TRAF2: variants seen among roughly 807,000 people sequenced by gnomAD.
TRAF2 encodes TNF receptor associated factor 2.
Under a neutral mutation model 55.6 loss-of-function variants are expected in TRAF2, and 6 were observed. The observed-to-expected ratio is 0.11, with a 90% CI of 0.06 to 0.21. TRAF2 has a LOEUF of 0.21. TRAF2 is among the 10% of genes least tolerant of loss of function. TRAF2 has a pLI of 1.00. For synonymous variants in TRAF2, 329 were observed against 276.3 expected, an observed-to-expected ratio of 1.19 and a Z score of -1.89; for missense variants, 561 against 684.5, an observed-to-expected ratio of 0.82 and a Z score of 2.01.
At chr9:136,886,467 AGCGGCG>A (rs758131750), upstream of TRAF2, 16 of 1,004,606 alleles carry the variant, frequency 1.6e-5, no homozygotes, top group Non-Finnish European at 1.9e-5. Context: ...CACGCGGCGG[AGCGGCG>A]GCGGCGGCGG....
At position 136,903,767 on chromosome 9, in the gene TRAF2, C is replaced by T. The variant is rs1003617406; in HGVS notation, c.366+3247C>T. Among the ~76,000 whole-genome samples, 6 of 152,162 alleles carry T rather than the reference C, an allele frequency of 3.9e-5. No homozygotes were observed. The South Asian group carries it at 6.2e-4, about 16-fold the overall frequency. On this transcript the variant is annotated intron_variant, in intron 4 of 10. Transcript: ENST00000247668. The stretch of plus-strand genomic sequence containing the variant: ...TGCGATCTCGGCTCACTGCAAGCTC[C>T]GCCTCCCGGGTTCACACCATTCTTC...
At chr9:136,903,374 G>A (rs1187253749) in intron 4 of TRAF2, among the ~76,000 whole-genome samples, 2 of 152,114 alleles carry the variant, frequency 1.3e-5, no homozygotes, top group Admixed American at 6.5e-5. Context: ...GCGGGGGTGC[G>A]GGGAGACTTT....
At position 136,900,470 on chromosome 9, in the gene TRAF2, G is replaced by C. The variant is rs551577118; in HGVS notation, c.316G>C (p.Val106Leu). The C allele has an allele frequency of 1.2e-6, 2 of 1,613,002 alleles. No individual in the cohort carries two copies. The highest frequency in any genetic ancestry group is 1.3e-5 in the African/African-American group (1 of 75,026). ...CAGGGAGGTGGAGAGCCTGCCGGCC[G>C]TCTGTCCCAGTGATGGATGCACCTG... ...ARREVESLPA[V>L]CPSDGCTWKG... Residue 106 changes from valine (V) to leucine (L), a missense_variant, in exon 4 of 11, where the codon GTC (valine) becomes CTC (leucine). Around this residue, in one of 2 missense-constraint regions of TRAF2, gnomAD observed 426 missense variants for 476.8 expected, o/e 0.89. Transcript: ENST00000247668.
intron 4 of TRAF2, chr9:136,900,750 G>A: frequency 1.9e-6 from 1 of 539,764 alleles, no homozygotes; most frequent in South Asian, 1.9e-5. Context: ...GTGACCTCGG[G>A]CGAGGTATTT....
At chr9:136,923,610 C>CAAAAA (rs55666712) in intron 9 of TRAF2, among the ~76,000 whole-genome samples, 2 of 67,758 alleles carry the variant, frequency 3.0e-5, no homozygotes, top group Non-Finnish European at 5.1e-5. Context: ...GACTCCATCT[C>CAAAAA]AAAAAAAAAA....
intron 6 of TRAF2, among the ~76,000 whole-genome samples, chr9:136,911,846 C>CTCTTTTTTT (rs1554781067): frequency 4.2e-5 from 3 of 71,446 alleles, no homozygotes; most frequent in African/African-American, 1.3e-4. Context: ...TCTCTTATCT[C>CTCTTTTTTT]TTTTTTTTTT....
At chr9:136,924,910 T>G (rs921292367) in intron 10 of TRAF2, among the ~76,000 whole-genome samples, 96 of 152,094 alleles carry the variant, frequency 6.3e-4, no homozygotes, top group Non-Finnish European at 1.2e-3. Context: ...AGCTAATTTT[T>G]GTATTTTTAG....
chr9:136,907,006 C>G (rs554312835), intron 4 of TRAF2, among the ~76,000 whole-genome samples: 8 of 152,394 alleles, frequency 5.2e-5, no homozygotes, highest in African/African-American at 1.9e-4. Context: ...CCCTCACATT[C>G]GGGCAGAGCC....
chr9:136,894,988 C>G (rs941359934), intron 1 of TRAF2, among the ~76,000 whole-genome samples: 7 of 152,166 alleles, frequency 4.6e-5, no homozygotes, highest in African/African-American at 1.4e-4. Flanking sequence ...ACCCCTGTTT[C>G]TAAAGAAAAA....
intron 3 of TRAF2, 133 bp downstream of exon 3, chr9:136,899,805 G>A (rs1849772824): frequency 6.4e-6 from 5 of 779,648 alleles, no homozygotes; most frequent in Non-Finnish European, 7.8e-6. Context: ...TAGGGGGATT[G>A]CTTGAGTCCA....
intron 4 of TRAF2, 121 bp from the exon 5 acceptor site, chr9:136,907,949 C>T (rs1249609883): frequency 5.4e-6 from 7 of 1,296,426 alleles, no homozygotes; most frequent in East Asian, 2.3e-5. Context: ...CAGAGGGCGG[C>T]CCCCAGGACC....
At chr9:136,915,267 A>G (rs1850214126) in intron 6 of TRAF2, among the ~76,000 whole-genome samples, 3 of 152,148 alleles carry the variant, frequency 2.0e-5, no homozygotes, top group South Asian at 2.1e-4. Context: ...GTCAGAGGGA[A>G]ATGTGTCAGG....
At position 136,926,228 on chromosome 9, in the gene TRAF2, C is replaced by T. The variant is rs1365768945; in HGVS notation, c.*327C>T. 2 of 460,562 alleles carry T rather than the reference C, an allele frequency of 4.3e-6. No individual in the cohort carries two copies. Among genetic ancestry groups the T allele is most frequent in the East Asian group, 4.7e-5 (1 of 21,116 alleles). The allele number at this position is 460,562 out of a possible 1,614,324, so 28.5% of individuals were successfully genotyped here. A position where few individuals can be genotyped will look rare whatever the true frequency, so the allele number is the denominator to read the frequency against. ...AGGGAGAGGCCCTGGGTGGGGGACA[C>T]TCAGAGTGGGAGCACATCCCAGCAG... On this transcript the variant is annotated 3_prime_UTR_variant, in exon 11 of 11. Coordinates refer to ENST00000247668, the MANE Select transcript of TRAF2 (RefSeq NM_021138.4).
chr9:136,897,442 C>G (rs1169730558), intron 1 of TRAF2, among the ~76,000 whole-genome samples: 3 of 152,180 alleles, frequency 2.0e-5, no homozygotes, highest in African/African-American at 7.2e-5. Flanking sequence ...TGTGTATCGT[C>G]TGAAGTGAGG....
At chr9:136,888,842 G>A (rs940387725) in intron 1 of TRAF2, among the ~76,000 whole-genome samples, 5 of 152,286 alleles carry the variant, frequency 3.3e-5, no homozygotes, top group African/African-American at 1.2e-4. Flanking sequence ...ACACAGCTCG[G>A]CCCTACCAGC....
chr9:136,897,797 A>G (rs1453410665), intron 1 of TRAF2, among the ~76,000 whole-genome samples: 2 of 128,324 alleles, frequency 1.6e-5, no homozygotes, highest in East Asian at 5.0e-4. Context: ...CAGGTGTGCT[A>G]CGTTCCGCTC....
In TRAF2 at chr9:136,889,994, AGT is replaced by A. The variant is rs753990033; in HGVS notation, c.-29+3454_-29+3455del. Among the ~76,000 whole-genome samples, 13 of 112,610 alleles carry A rather than the reference AGT, an allele frequency of 1.2e-4. 1 individual carries two copies. Among genetic ancestry groups the A allele is most frequent in the African/African-American group, 1.4e-4 (4 of 27,982 alleles). 73.9% of individuals were successfully genotyped at this position (112,610 alleles called of 152,430 possible). ...TTCAGCCGGTCACCGCGTGTGTGAG[AGT>A]CCCCACCGCACGCTCGTTCAGCCGG... On this transcript the variant is annotated intron_variant, in intron 1 of 10. Transcript: ENST00000247668.
Position 136,920,394 on chromosome 9 carries a change from C to T in TRAF2, c.839C>T (p.Ala280Val). The change falls in exon 8 of 11, where the codon GCC becomes GTC. Residue 280 changes from alanine (A) to valine (V), a missense_variant. Physicochemically the swap from Ala to Val is moderately conservative, Grantham distance 64 (BLOSUM62 0). Around this residue, in one of 2 missense-constraint regions of TRAF2, gnomAD observed 426 missense variants for 476.8 expected, o/e 0.89. Transcript: ENST00000247668. ...TGCGAGAGCCTGGAGAAGAAGACGG[C>T]CACTTTTGAGAACATTGTCTGCGTC... ...QRCESLEKKT[A>V]TFENIVCVLN... 2.5e-6 allele frequency: 4 copies of T among 1,614,150 alleles called. No homozygotes were observed. Among genetic ancestry groups the T allele is most frequent in the Non-Finnish European group, 3.4e-6 (4 of 1,180,034 alleles).
At chr9:136,898,960 C>G in intron 2 of TRAF2, 32 bp downstream of exon 2, 1 of 1,565,478 alleles carries the variant, frequency 6.4e-7, no homozygotes, top group Non-Finnish European at 8.6e-7. Flanking sequence ...GGAGGAGGGG[C>G]AGGCAGGCTA....
Sources: gnomAD v4.1 joint callset for allele counts (sites outside exome capture counted in the v4.1 genomes callset) on GRCh38, gnomAD v4.1.1 for gene constraint, gnomAD v4.1.1 regional missense constraint, MANE v1.5 for transcripts, NCBI Gene and HGNC (gene_info 2026-07-23, HGNC 2026-07-21) for gene names.